PSMB5: variants seen among roughly 807,000 people sequenced by gnomAD.
PSMB5 encodes proteasome 20S subunit beta 5.
A neutral mutation model predicts 22.8 loss-of-function variants in PSMB5; 2 were observed. The observed-to-expected ratio is 0.09, with a 90% CI of 0.04 to 0.28. The LOEUF (loss-of-function observed/expected upper bound fraction) is 0.28. Ranked by LOEUF, PSMB5 falls within the 10% of genes least tolerant of loss-of-function variation. The probability of loss-of-function intolerance (pLI) is 1.00; values close to 1 mark genes in which losing one functional copy is unlikely to be tolerated. For synonymous variants in PSMB5, 133 were observed against 135.3 expected, an observed-to-expected ratio of 0.98 and a Z score of 0.12; for missense variants, 269 against 343.8, an observed-to-expected ratio of 0.78 and a Z score of 1.72.
intron 2 of PSMB5, among the ~76,000 whole-genome samples, chr14:23,028,980 T>G (rs978318911): frequency 6.6e-6 from 1 of 152,314 alleles, no homozygotes; most frequent in African/African-American, 2.4e-5. Flanking sequence ...ATTCTGCCAA[T>G]AGCATCACTA....
At chr14:23,034,025 G>T (rs1021663634) in intron 1 of PSMB5, among the ~76,000 whole-genome samples, 1 of 151,644 alleles carries the variant, frequency 6.6e-6, no homozygotes, top group Non-Finnish European at 1.5e-5. Context: ...AAAAAACTTA[G>T]CCTGTCGTGG....
rs749585868 is a variant in PSMB5 at position 23,034,777 on chromosome 14, G to A, written c.105C>T (p.Leu35=). 1.9e-6 allele frequency: 3 copies of A among 1,614,202 alleles called. No individual in the cohort carries two copies. The East Asian group carries it at 6.7e-5, about 36-fold the overall frequency. Reference sequence around the variant, plus strand: ...GCGCGGCCAGGCTCAGACCATCACTGAGACTCCCTGGACCTAGATCCAGCA... The same window carrying A: ...GCGCGGCCAGGCTCAGACCATCACTAAGACTCCCTGGACCTAGATCCAGCA... ...ADLLDLGPGS[L]SDGLSLAAPG... Residue 35 remains leucine (L), a synonymous_variant, in exon 1 of 3, where the codon CTC becomes CTT. Coordinates refer to ENST00000361611, the MANE Select transcript of PSMB5 (RefSeq NM_002797.5).
At chr14:23,033,942 G>A (rs2046972179) in intron 1 of PSMB5, among the ~76,000 whole-genome samples, 1 of 152,082 alleles carries the variant, frequency 6.6e-6, no homozygotes, top group Non-Finnish European at 1.5e-5. Context: ...AGACCAAGGC[G>A]GGAGGACCGC....
rs756177083 is a variant in PSMB5, at chr14:23,034,769, C to A, written c.113G>T (p.Gly38Val). 1.9e-6 allele frequency: 3 copies of A among 1,614,214 alleles called. No individual in the cohort carries two copies. Among genetic ancestry groups the A allele is most frequent in the Admixed American group, 3.3e-5 (2 of 60,028 alleles). Residue 38 changes from glycine to valine, a missense_variant, in exon 1 of 3, where the codon GGT (glycine) becomes GTT (valine). Physicochemically the swap from Gly to Val is moderately radical, Grantham distance 109. Transcript: ENST00000361611. The part of the protein sequence containing the change: ...LDLGPGSLSD[G>V]LSLAAPGWGV... ...CCAGCCTGGCGCGGCCAGGCTCAGA[C>A]CATCACTGAGACTCCCTGGACCTAG...
At chr14:23,033,811 T>TG in intron 1 of PSMB5, 137 bp from the exon 2 acceptor site, 1 of 729,004 alleles carries the variant, frequency 1.4e-6, no homozygotes. Flanking sequence ...ACTTCTATAC[T>TG]TCACCATATA....
intron 2 of PSMB5, among the ~76,000 whole-genome samples, chr14:23,030,959 T>C (rs1021064666): frequency 4.6e-5 from 7 of 152,032 alleles, no homozygotes; most frequent in African/African-American, 9.7e-5. Flanking sequence ...AATAAATTGG[T>C]CCTCTGTATA....
intron 2 of PSMB5, among the ~76,000 whole-genome samples, chr14:23,031,663 C>T (rs2046953208): frequency 6.6e-6 from 1 of 152,158 alleles, no homozygotes. Flanking sequence ...ACATTAAATA[C>T]AAAGTTGAAC....
chr14:23,032,505 T>C (rs2046960177), intron 2 of PSMB5, among the ~76,000 whole-genome samples: 1 of 151,922 alleles, frequency 6.6e-6, no homozygotes, highest in South Asian at 2.1e-4. Context: ...GGGACAACCA[T>C]ATATTAGAGT....
At chr14:23,026,812 G>T (rs921206568) in intron 2 of PSMB5, among the ~76,000 whole-genome samples, 1 of 151,026 alleles carries the variant, frequency 6.6e-6, no homozygotes, top group African/African-American at 2.4e-5. Flanking sequence ...GCCGGGCGCG[G>T]TGGCTCATGC....
intron 2 of PSMB5, among the ~76,000 whole-genome samples, chr14:23,032,519 A>G (rs894324887): frequency 7.2e-5 from 11 of 152,218 alleles, no homozygotes; most frequent in African/African-American, 2.7e-4. Flanking sequence ...TTAGAGTCCA[A>G]TACAGTAGCC....
At chr14:23,033,330 T>C in intron 2 of PSMB5, 38 bp downstream of exon 2, 1 of 1,585,250 alleles carries the variant, frequency 6.3e-7, no homozygotes, top group Non-Finnish European at 8.6e-7. Flanking sequence ...CTCACTGTAG[T>C]GTCAGCCCAA....
At chr14:23,035,079 G>T, upstream of PSMB5, 2 of 1,086,384 alleles carry the variant, frequency 1.8e-6, no homozygotes, top group South Asian at 1.8e-5. Flanking sequence ...GAAATAGATG[G>T]CTTCACTAAC....
In PSMB5 at chr14:23,034,710, G is replaced by A. The variant is rs1351658152; in HGVS notation, c.172C>T (p.His58Tyr). The A allele has an allele frequency of 6.2e-7, 1 of 1,614,172 alleles. No homozygotes were observed. ...TTGAAGGCCAGGGTGGTTGTTCCAT[G>A]AAGCATTTCGATTCCTGGCTCTTCT... is the stretch of plus-strand genomic sequence containing the variant. Reference protein sequence around the residue: ...VPEEPGIEMLHGTTTLAFKFR... With the variant: ...VPEEPGIEMLYGTTTLAFKFR... The change falls in exon 1 of 3, where the codon CAT becomes TAT. Residue 58 changes from histidine (H) to tyrosine (Y), a missense_variant. Around this residue, in one of 3 missense-constraint regions of PSMB5, gnomAD observed 75 missense variants for 143.2 expected, o/e 0.52. Coordinates refer to ENST00000361611, the MANE Select transcript of PSMB5 (RefSeq NM_002797.5).
In PSMB5 at chr14:23,026,245, A is replaced by G; in HGVS notation, c.636T>C (p.Tyr212=). 1 of 1,614,092 alleles carries G rather than the reference A, an allele frequency of 6.2e-7. No homozygotes were observed. The highest frequency in any genetic ancestry group is 8.5e-7 in the Non-Finnish European group (1 of 1,180,004). The change falls in exon 3 of 3, where the codon TAT becomes TAC. Residue 212 remains tyrosine, a synonymous_variant. Coordinates refer to ENST00000361611, the MANE Select transcript of PSMB5 (RefSeq NM_002797.5). ...YSYDLEVEQA[Y]DLARRAIYQA... is the part of the protein sequence containing the mutation. The stretch of plus-strand genomic sequence containing the variant: ...GGTAGATGGCTCGACGGGCCAGATC[A>G]TAGGCCTGCTCCACTTCCAGGTCAT...
At chr14:23,034,923 C>A (rs765270607), upstream of PSMB5, 1 of 1,587,340 alleles carries the variant, frequency 6.3e-7, no homozygotes, top group Admixed American at 1.8e-5. Context: ...GAACGCCTAG[C>A]AAAGATAGGC....
intron 2 of PSMB5, among the ~76,000 whole-genome samples, chr14:23,026,953 A>G (rs894758777): frequency 6.6e-6 from 1 of 151,520 alleles, no homozygotes; most frequent in African/African-American, 2.4e-5. Flanking sequence ...GTGGTGGCAC[A>G]TGCCTATAAT....
At chr14:23,034,578 C>T (rs1022934987) in intron 1 of PSMB5, 106 bp downstream of exon 1, 1 of 1,324,856 alleles carries the variant, frequency 7.5e-7, no homozygotes, top group Admixed American at 2.2e-5. Context: ...GACCCAGCCT[C>T]CGCCTGGGTT....
At chr14:23,030,129 C>T (rs962306587) in intron 2 of PSMB5, among the ~76,000 whole-genome samples, 1 of 152,004 alleles carries the variant, frequency 6.6e-6, no homozygotes, top group Non-Finnish European at 1.5e-5. Context: ...CCACCCATCT[C>T]GGCCTCCCAA....
chr14:23,034,524 C>T (rs1183885960), intron 1 of PSMB5, 160 bp downstream of exon 1: 1 of 822,436 alleles, frequency 1.2e-6, no homozygotes, highest in South Asian at 1.8e-5. Flanking sequence ...ACAGGGGCCT[C>T]CTGGGCCAAT....
Sources: gnomAD v4.1 joint callset for allele counts (sites outside exome capture counted in the v4.1 genomes callset) on GRCh38, gnomAD v4.1.1 for gene constraint, gnomAD v4.1.1 regional missense constraint, MANE v1.5 for transcripts, NCBI Gene and HGNC (gene_info 2026-07-23, HGNC 2026-07-21) for gene names.